The following FMN2 variants were observed in gnomAD, a reference collection of about 807,000 sequenced individuals.
The protein encoded by FMN2 is formin 2.
In FMN2, 51 loss-of-function variants were observed where a neutral mutation model predicts 142.3. That is an observed-to-expected ratio of 0.36 (90% CI 0.29 to 0.45). The LOEUF (loss-of-function observed/expected upper bound fraction) is 0.45. Ranked by LOEUF, FMN2 falls within the 20% of genes least tolerant of loss-of-function variation. FMN2 has a pLI of 1.00. For synonymous variants in FMN2, 882 were observed against 869.8 expected (o/e 1.01, Z -0.25); for missense variants, 1,936 against 2,122.8 (o/e 0.91, Z 1.73).
At chr1:240,459,849 C>T (rs1045970129) in intron 16 of FMN2, among the ~76,000 whole-genome samples, 1 of 147,262 alleles carries the variant, frequency 6.8e-6, no homozygotes, top group African/African-American at 2.5e-5. Flanking sequence ...ACATGGCATA[C>T]TTGAAGTGTT....
intron 7 of FMN2, among the ~76,000 whole-genome samples, chr1:240,280,236 G>A (rs1429472713): frequency 6.6e-6 from 1 of 151,952 alleles, no homozygotes; most frequent in Non-Finnish European, 1.5e-5. Context: ...GAAGTTTTAG[G>A]TGAACTATTT....
chr1:240,186,457 A>G (rs1000536841), intron 3 of FMN2, among the ~76,000 whole-genome samples: 4 of 152,212 alleles, frequency 2.6e-5, no homozygotes, highest in Non-Finnish European at 2.9e-5. Flanking sequence ...AGGTATAAAT[A>G]AGTAGGCAAC....
At chr1:240,342,632 C>A (rs6691893) in intron 13 of FMN2, among the ~76,000 whole-genome samples, 1 of 151,992 alleles carries the variant, frequency 6.6e-6, no homozygotes, top group African/African-American at 2.4e-5. Context: ...AAAATACTTT[C>A]TAGAGGAAAA....
intron 2 of FMN2, among the ~76,000 whole-genome samples, chr1:240,174,428 C>T (rs1483222997): frequency 6.6e-6 from 1 of 152,178 alleles, no homozygotes; most frequent in African/African-American, 2.4e-5. Flanking sequence ...AGTCATCATT[C>T]ATTACAGCCT....
chr1:240,467,276 C>T (rs918858836), intron 16 of FMN2, among the ~76,000 whole-genome samples: 4 of 99,584 alleles, frequency 4.0e-5, no homozygotes, highest in African/African-American at 1.8e-4. Flanking sequence ...TTAAATCGTT[C>T]CTTTTTTTTT....
At chr1:240,287,203 A>T (rs1669620914) in intron 7 of FMN2, among the ~76,000 whole-genome samples, 1 of 152,134 alleles carries the variant, frequency 6.6e-6, no homozygotes, top group Non-Finnish European at 1.5e-5. Context: ...CCTCAGAGAG[A>T]TCTCTTACAA....
chr1:240,170,114 T>C, intron 2 of FMN2: 1 of 622,126 alleles, frequency 1.6e-6, no homozygotes, highest in Non-Finnish European at 2.8e-6. Context: ...ACAGTAATAA[T>C]CTAGGTTCTG....
chr1:240,149,584 T>G (rs1187029735), intron 2 of FMN2, among the ~76,000 whole-genome samples: 2 of 152,244 alleles, frequency 1.3e-5, no homozygotes, highest in African/African-American at 4.8e-5. Flanking sequence ...ACCGAGGTGC[T>G]AAATTTCAGT....
chr1:240,144,105 C>A (rs1663323172), intron 2 of FMN2: 1 of 1,135,254 alleles, frequency 8.8e-7, no homozygotes, highest in Non-Finnish European at 1.3e-6. Flanking sequence ...CTGAATGAGG[C>A]CACCATCCAC....
intron 2 of FMN2, among the ~76,000 whole-genome samples, chr1:240,148,696 A>G (rs1348234063): frequency 6.6e-6 from 1 of 152,204 alleles, no homozygotes; most frequent in Admixed American, 6.5e-5. Flanking sequence ...AACTCTGTAT[A>G]TTGGCCAGGT....
intron 13 of FMN2, among the ~76,000 whole-genome samples, chr1:240,347,687 C>G (rs1671954118): frequency 6.6e-6 from 1 of 152,126 alleles, no homozygotes; most frequent in Non-Finnish European, 1.5e-5. Flanking sequence ...GCTCTTTCCC[C>G]CTCTGTCTCT....
At chr1:240,372,571 A>G (rs568174309) in intron 14 of FMN2, among the ~76,000 whole-genome samples, 46 of 150,918 alleles carry the variant, frequency 3.0e-4, no homozygotes, top group African/African-American at 1.1e-3. Flanking sequence ...AAATAGGTAT[A>G]AAATCTATAG....
At chr1:240,431,581 C>T (rs567820410) in intron 15 of FMN2, among the ~76,000 whole-genome samples, 2 of 151,210 alleles carry the variant, frequency 1.3e-5, no homozygotes, top group African/African-American at 2.4e-5. Context: ...AATACCATTG[C>T]GTATGTTAAC....
chr1:240,396,488 G>T (rs1241535585), intron 15 of FMN2, among the ~76,000 whole-genome samples: 1 of 151,734 alleles, frequency 6.6e-6, no homozygotes. Context: ...AGATTAAGGG[G>T]TACACGTGCA....
At chr1:240,460,669 T>C (rs895298715) in intron 16 of FMN2, among the ~76,000 whole-genome samples, 1 of 151,472 alleles carries the variant, frequency 6.6e-6, no homozygotes, top group African/African-American at 2.4e-5. Flanking sequence ...AAATATATAA[T>C]GTATATATAA....
chr1:240,254,466 A>T (rs575716364), intron 6 of FMN2, among the ~76,000 whole-genome samples: 35 of 152,002 alleles, frequency 2.3e-4, no homozygotes, highest in Non-Finnish European at 1.9e-4. Context: ...GGGTTTTAAC[A>T]TGGTTAAATG....
At chr1:240,188,108 T>C (rs962170839) in intron 3 of FMN2, 99 bp from the exon 4 acceptor site, 12 of 1,168,450 alleles carry the variant, frequency 1.0e-5, no homozygotes, top group East Asian at 7.3e-5. Context: ...TTGGTACTTA[T>C]GGTTAATGAT....
intron 2 of FMN2, chr1:240,142,565 A>G (rs1663233628): frequency 8.6e-7 from 1 of 1,157,318 alleles, no homozygotes; most frequent in South Asian, 1.5e-5. Context: ...AAAGAGCAGG[A>G]GGCAACAATT....
chr1:240,092,056 G>A lies in FMN2; in HGVS notation c.-54G>A. 4 of 1,508,234 alleles carry A rather than the reference G, an allele frequency of 2.7e-6. No homozygotes were observed. Among genetic ancestry groups the A allele is most frequent in the South Asian group, 1.3e-5 (1 of 77,180 alleles). The allele number at this position is 1,508,234 out of a possible 1,614,324, so 93.4% of individuals were successfully genotyped here. A position where few individuals can be genotyped will look rare whatever the true frequency, so the allele number is the denominator to read the frequency against. On this transcript the variant is annotated 5_prime_UTR_variant, in exon 1 of 18. Transcript: ENST00000319653. Reference sequence around the variant, plus strand: ...TAGGCCCGGACCTGGGGCCGAGGAGGGCCGGGATGGCCTGAGTGCCCGCGG... The same window carrying A: ...TAGGCCCGGACCTGGGGCCGAGGAGAGCCGGGATGGCCTGAGTGCCCGCGG...
Sources: allele counts gnomAD v4.1 joint callset (sites outside exome capture counted in the v4.1 genomes callset), GRCh38; gene constraint gnomAD v4.1.1; transcripts MANE v1.5; gene names NCBI Gene and HGNC (gene_info 2026-07-23, HGNC 2026-07-21).